Variants in ZNF44 observed in about 807,000 individuals in gnomAD.
The protein encoded by ZNF44 is gonadotropin inducible transcription repressor-2.
Under a neutral mutation model 11.7 loss-of-function variants are expected in ZNF44, and 9 were observed. The ratio of observed to expected loss-of-function variants is 0.77; its 90% CI spans 0.46 to 1.35. The LOEUF (loss-of-function observed/expected upper bound fraction) is 1.35, where lower values mean the gene tolerates loss of function less well. Ranked by LOEUF, ZNF44 falls within the 40% of genes most tolerant of loss-of-function variation. The pLI, the probability that ZNF44 is intolerant of heterozygous loss-of-function variation, is 0.00. For synonymous variants in ZNF44, 224 were observed against 242.7 expected (o/e 0.92, Z 0.72); for missense variants, 696 against 743.1 (o/e 0.94, Z 0.74).
downstream of ZNF44, chr19:12,271,693 T>C (rs1966953405): frequency 6.6e-6 from 1 of 152,240 alleles, no homozygotes; most frequent in Non-Finnish European, 1.5e-5. Flanking sequence ...CAAGAAACTG[T>C]AACATTATAG....
rs151068623 is a variant in ZNF44, at chr19:12,256,533, C to A, written c.1913-6165G>T. ...TTTCTTCACTATGTCAGAGAGGATG[C>A]GGTCCTCTGCTTACCACATAATTTT... On this transcript the variant is annotated intron_variant and NMD_transcript_variant, in intron 5 of 7. Transcript: ENST00000393337. Among the ~76,000 whole-genome samples, 531 of 152,070 alleles carry A rather than the reference C, an allele frequency of 3.5e-3. 6 individuals are homozygous for A. Among genetic ancestry groups the A allele is most frequent in the African/African-American group, 0.012 (503 of 41,466 alleles).
intron 5 of ZNF44, chr19:12,260,430 C>T (rs1301800001): frequency 2.1e-6 from 3 of 1,438,678 alleles, no homozygotes; most frequent in African/African-American, 1.4e-5. Context: ...GAACAAGTAC[C>T]GCCCCGACCT....
At position 12,272,155 on chromosome 19, in the gene ZNF44, CCTGG is replaced by C. The variant is rs1966973157; in HGVS notation, c.*248_*251del. 1 of 393,172 alleles carries C rather than the reference CCTGG, an allele frequency of 2.5e-6. No individual in the cohort carries two copies. The highest frequency in any genetic ancestry group is 4.1e-6 in the Non-Finnish European group (1 of 246,430). The allele number at this position is 393,172 out of a possible 1,614,324, so 24.4% of individuals were successfully genotyped here. Reference sequence around the variant, plus strand: ...AGGACTACAGGTGTGAGCAACTATGCCTGGCTATTTTTTTTTTTTTCCGTATTTT... The same window carrying C: ...AGGACTACAGGTGTGAGCAACTATGCCTATTTTTTTTTTTTTCCGTATTTT... On this transcript the variant is annotated 3_prime_UTR_variant, in exon 4 of 4. Transcript: ENST00000355684.
chr19:12,244,269 C>T (rs1916709020), downstream of ZNF44, among the ~76,000 whole-genome samples: 1 of 152,164 alleles, frequency 6.6e-6, no homozygotes. Context: ...CTCCCAAGTA[C>T]GTGGAATTAT....
intron 1 of ZNF44, among the ~76,000 whole-genome samples, chr19:12,276,520 G>A (rs748039703): frequency 6.6e-6 from 1 of 152,166 alleles, no homozygotes; most frequent in South Asian, 2.1e-4. Context: ...GGAGGGCCCC[G>A]TAAGCATAAC....
intron 5 of ZNF44, among the ~76,000 whole-genome samples, chr19:12,260,871 G>A (rs778803246): frequency 9.9e-5 from 15 of 152,148 alleles, no homozygotes; most frequent in Non-Finnish European, 1.8e-4. Flanking sequence ...CATAGAGCAG[G>A]TCAGCAATTC....
downstream of ZNF44, among the ~76,000 whole-genome samples, chr19:12,270,064 TAAG>T (rs1422096175): frequency 1.3e-5 from 2 of 152,206 alleles, no homozygotes; most frequent in Non-Finnish European, 2.9e-5. Flanking sequence ...TTCAGTCTCC[TAAG>T]AAGACAATGC....
At chr19:12,293,359 G>T (rs1464063010) in intron 1 of ZNF44, 13 of 1,536,620 alleles carry the variant, frequency 8.5e-6, no homozygotes, top group Non-Finnish European at 1.0e-5. Flanking sequence ...GCCCCAGAAA[G>T]TTCCATAACA....
At chr19:12,238,410 A>G (rs1599488324), upstream of ZNF44, among the ~76,000 whole-genome samples, 1 of 152,046 alleles carries the variant, frequency 6.6e-6, no homozygotes, top group South Asian at 2.1e-4. Flanking sequence ...GCGGACCACA[A>G]GGTCAAGAGA....
chr19:12,228,477 C>T (rs1004804347), intron 3 of ZNF44, among the ~76,000 whole-genome samples: 4 of 152,146 alleles, frequency 2.6e-5, no homozygotes, highest in African/African-American at 4.8e-5. Flanking sequence ...GCAAGTTGTA[C>T]AGGTAAGAGT....
At chr19:12,291,509 G>C (rs1479991879) in intron 1 of ZNF44, among the ~76,000 whole-genome samples, 1 of 151,966 alleles carries the variant, frequency 6.6e-6, no homozygotes, top group Non-Finnish European at 1.5e-5. Flanking sequence ...TCCAGCCTGG[G>C]CGACACGGTG....
At chr19:12,277,415 T>G (rs113317017) in intron 1 of ZNF44, among the ~76,000 whole-genome samples, 34 of 152,356 alleles carry the variant, frequency 2.2e-4, no homozygotes, top group African/African-American at 8.2e-4. Context: ...TCAGCTTTCA[T>G]GAATATCAAT....
At chr19:12,245,290 A>G (rs1477696343), downstream of ZNF44, among the ~76,000 whole-genome samples, 1 of 152,240 alleles carries the variant, frequency 6.6e-6, no homozygotes, top group Non-Finnish European at 1.5e-5. Context: ...ATATATTCTC[A>G]GGTAATGGAA....
chr19:12,282,488 C>T (rs1014962264), intron 1 of ZNF44, among the ~76,000 whole-genome samples: 1 of 146,624 alleles, frequency 6.8e-6, no homozygotes, highest in Non-Finnish European at 1.5e-5. Flanking sequence ...ATAGCACGAT[C>T]TCAGCTCACT....
At chr19:12,270,386 T>TA (rs1966911459), downstream of ZNF44, among the ~76,000 whole-genome samples, 3 of 151,976 alleles carry the variant, frequency 2.0e-5, no homozygotes, top group South Asian at 6.2e-4. Flanking sequence ...CTAACACTGT[T>TA]ATCGCTGCCA....
intron 1 of ZNF44, among the ~76,000 whole-genome samples, chr19:12,286,315 G>A (rs1967748056): frequency 1.3e-5 from 2 of 152,024 alleles, no homozygotes; most frequent in African/African-American, 4.8e-5. Flanking sequence ...TCATGCATGA[G>A]AATCATCTGA....
intron 5 of ZNF44, chr19:12,266,240 T>G: frequency 3.0e-6 from 3 of 985,062 alleles, no homozygotes; most frequent in Non-Finnish European, 3.6e-6. Flanking sequence ...CAGCCCCTCC[T>G]CCCGCGTGTC....
intron 1 of ZNF44, among the ~76,000 whole-genome samples, chr19:12,294,036 T>A: frequency 6.6e-6 from 1 of 151,330 alleles, no homozygotes; most frequent in South Asian, 2.1e-4. Flanking sequence ...CAGCAGACGC[T>A]GACCGCCGGC....
intron 5 of ZNF44, chr19:12,266,246 G>A (rs1244151512): frequency 2.0e-6 from 2 of 985,196 alleles, no homozygotes; most frequent in Admixed American, 6.1e-5. Context: ...CTCCTCCCGC[G>A]TGTCGGGACC....
Sources: gnomAD v4.1 joint callset for allele counts (sites outside exome capture counted in the v4.1 genomes callset) on GRCh38, gnomAD v4.1.1 for gene constraint, MANE v1.5 for transcripts, NCBI Gene and HGNC (gene_info 2026-07-23, HGNC 2026-07-21) for gene names.